DPYD: variants seen among roughly 807,000 people sequenced by gnomAD.
DPYD encodes the protein dihydropyrimidine dehydrogenase [NADP(+)].
DPYD carries 109 observed loss-of-function variants against 116.2 expected under a neutral mutation model. The observed-to-expected ratio is 0.94, with a 90% CI of 0.80 to 1.10. The LOEUF (loss-of-function observed/expected upper bound fraction) is 1.10. DPYD is among the 50% of genes least tolerant of loss of function. The probability of loss-of-function intolerance (pLI) is 0.00; values close to 1 mark genes in which losing one functional copy is unlikely to be tolerated. For missense variants in DPYD, 1,302 were observed against 1,254.5 expected (o/e 1.04, Z -0.57); for synonymous variants, 440 against 432.0 (o/e 1.02, Z -0.23).
At chr1:97,567,692 A>C (rs139283799) in intron 11 of DPYD, among the ~76,000 whole-genome samples, 1 of 152,238 alleles carries the variant, frequency 6.6e-6, no homozygotes, top group Non-Finnish European at 1.5e-5. Context: ...AAGCATTTAA[A>C]ATCTCAAACT....
chr1:97,654,404 C>A (rs1200260757), intron 8 of DPYD, among the ~76,000 whole-genome samples: 1 of 152,042 alleles, frequency 6.6e-6, no homozygotes, highest in Non-Finnish European at 1.5e-5. Context: ...TAAAGATTTA[C>A]TGACCAATAT....
chr1:97,169,113 G>T (rs987261477), intron 20 of DPYD, among the ~76,000 whole-genome samples: 3 of 152,082 alleles, frequency 2.0e-5, no homozygotes, highest in Admixed American at 1.3e-4. Context: ...CTCTCAAAGT[G>T]TTGGGATTAC....
chr1:97,451,421 C>T (rs147019521), intron 13 of DPYD, among the ~76,000 whole-genome samples: 2,150 of 152,164 alleles, frequency 0.014, 37 homozygotes, highest in Non-Finnish European at 0.019. Flanking sequence ...CTTTTACATG[C>T]GAATTAGTAT....
chr1:97,678,996 T>C, intron 8 of DPYD, 99 bp downstream of exon 8: 1 of 546,994 alleles, frequency 1.8e-6, no homozygotes, highest in African/African-American at 2.0e-5. Flanking sequence ...AAATATAACT[T>C]TCATCACGAA....
chr1:97,486,234 G>A (rs1262829813), intron 13 of DPYD, among the ~76,000 whole-genome samples: 1 of 152,126 alleles, frequency 6.6e-6, no homozygotes, highest in African/African-American at 2.4e-5. Flanking sequence ...TGATTTACTT[G>A]TAAAATATGT....
chr1:97,921,046 C>CGCGGGGGCGGA (rs1553260494), upstream of DPYD: 2 of 1,269,992 alleles, frequency 1.6e-6, no homozygotes, highest in Admixed American at 2.2e-5. Context: ...GGGCCGGCGG[C>CGCGGGGGCGGA]GCGGGGGCGG....
At chr1:97,471,390 G>A (rs1677642039) in intron 13 of DPYD, among the ~76,000 whole-genome samples, 1 of 152,090 alleles carries the variant, frequency 6.6e-6, no homozygotes, top group African/African-American at 2.4e-5. Flanking sequence ...ATGTTGTGAT[G>A]GACCAGAGCA....
chr1:97,364,011 T>C (rs902860315), intron 16 of DPYD, among the ~76,000 whole-genome samples: 1 of 152,190 alleles, frequency 6.6e-6, no homozygotes, highest in Admixed American at 6.5e-5. Context: ...ATTATTTCAT[T>C]CTTTTTATGG....
chr1:97,528,514 T>C, intron 12 of DPYD, among the ~76,000 whole-genome samples: 1 of 152,116 alleles, frequency 6.6e-6, no homozygotes, highest in Non-Finnish European at 1.5e-5. Context: ...TGTCCCATCT[T>C]TCTCCATCTA....
chr1:97,830,587 G>A (rs773651385), intron 2 of DPYD, among the ~76,000 whole-genome samples: 6 of 152,056 alleles, frequency 3.9e-5, no homozygotes, highest in Non-Finnish European at 7.4e-5. Flanking sequence ...GGGTGCACCT[G>A]TAGTCCCAGC....
intron 3 of DPYD, among the ~76,000 whole-genome samples, chr1:97,753,549 T>C (rs996924188): frequency 4.6e-5 from 7 of 152,116 alleles, no homozygotes; most frequent in African/African-American, 1.7e-4. Context: ...TTTCCTGAAA[T>C]AACACATTAA....
intron 16 of DPYD, among the ~76,000 whole-genome samples, chr1:97,327,788 A>G (rs921523654): frequency 6.6e-6 from 1 of 152,102 alleles, no homozygotes; most frequent in African/African-American, 2.4e-5. Context: ...TTGGATGTTG[A>G]GATTATTTCC....
At chr1:97,631,322 A>G (rs887856233) in intron 8 of DPYD, among the ~76,000 whole-genome samples, 26 of 152,228 alleles carry the variant, frequency 1.7e-4, no homozygotes, top group African/African-American at 5.5e-4. Flanking sequence ...GGCTTAAAGC[A>G]TAGTTTATTT....
At chr1:97,346,430 T>C (rs1669846081) in intron 16 of DPYD, among the ~76,000 whole-genome samples, 1 of 151,916 alleles carries the variant, frequency 6.6e-6, no homozygotes, top group African/African-American at 2.4e-5. Context: ...CTGTCTCTTG[T>C]TTGTAGAACA....
intron 18 of DPYD, among the ~76,000 whole-genome samples, chr1:97,288,685 C>A (rs1665909870): frequency 7.1e-6 from 1 of 141,688 alleles, no homozygotes; most frequent in Admixed American, 7.3e-5. Flanking sequence ...ACATTCAAAG[C>A]AGTGTGTAGA....
chr1:97,803,011 T>C (rs1667918522), intron 3 of DPYD, among the ~76,000 whole-genome samples: 1 of 151,968 alleles, frequency 6.6e-6, no homozygotes, highest in Admixed American at 6.6e-5. Context: ...CATAAAAGTT[T>C]ATTAATCTTT....
chr1:97,613,580 T>G (rs947949304), intron 8 of DPYD, among the ~76,000 whole-genome samples: 2 of 152,080 alleles, frequency 1.3e-5, no homozygotes, highest in Non-Finnish European at 2.9e-5. Context: ...CAACGCATGA[T>G]CTGCCAATAT....
At position 97,696,127 on chromosome 1, in the gene DPYD, C is replaced by CA. The variant is rs1232978190; in HGVS notation, c.680+3223dup. ...ACTTGGTGACAGAGCCAGACTCTTT[C>CA]AAAAAAAAAAGAAAGAAAAAAGAAA... On this transcript the variant is annotated intron_variant, in intron 6 of 22. Coordinates refer to ENST00000370192, the MANE Select transcript of DPYD (RefSeq NM_000110.4). 3.5e-3 allele frequency among the ~76,000 whole-genome samples: 318 copies of CA among 91,636 alleles called. 1 individual carries two copies. The highest frequency in any genetic ancestry group is 0.011 in the African/African-American group (271 of 24,034). 60.1% of individuals were successfully genotyped at this position (91,636 alleles called of 152,430 possible). A position where few individuals can be genotyped will look rare whatever the true frequency, so the allele number is the denominator to read the frequency against.
At chr1:97,633,157 T>C (rs1017760761) in intron 8 of DPYD, among the ~76,000 whole-genome samples, 3 of 152,102 alleles carry the variant, frequency 2.0e-5, no homozygotes, top group Non-Finnish European at 2.9e-5. Context: ...AAGTAAACCA[T>C]GTTTATAAGA....
Sources: allele counts gnomAD v4.1 joint callset (sites outside exome capture counted in the v4.1 genomes callset), GRCh38; gene constraint gnomAD v4.1.1; transcripts MANE v1.5; gene names NCBI Gene and HGNC (gene_info 2026-07-23, HGNC 2026-07-21).